Variants in MMP26 observed in about 807,000 individuals in gnomAD.
The protein encoded by MMP26 is matrix metalloproteinase-26.
In MMP26, 33 loss-of-function variants were observed where a neutral mutation model predicts 31.0. That is an observed-to-expected ratio of 1.06 (90% CI 0.81 to 1.42). The LOEUF (loss-of-function observed/expected upper bound fraction) is 1.42, where lower values mean the gene tolerates loss of function less well. MMP26 is among the 40% of genes most tolerant of loss of function. The pLI is 0.00. For synonymous variants in MMP26, 122 were observed against 114.9 expected (o/e 1.06, Z -0.40); for missense variants, 347 against 316.1 (o/e 1.10, Z -0.74).
intron 2 of MMP26, among the ~76,000 whole-genome samples, chr11:4,932,125 T>G (rs1193022333): frequency 6.6e-6 from 1 of 152,146 alleles, no homozygotes; most frequent in African/African-American, 2.4e-5. Context: ...CTGGATGGTC[T>G]CCATCAGTGC....
intron 2 of MMP26, among the ~76,000 whole-genome samples, chr11:4,934,207 C>G (rs1218232976): frequency 6.7e-6 from 1 of 148,732 alleles, no homozygotes; most frequent in Non-Finnish European, 1.5e-5. Flanking sequence ...AAAAGTGTTC[C>G]TGTTTCTCCA....
At chr11:4,876,071 T>G (rs1021062185) in intron 2 of MMP26, 2 of 152,140 alleles carry the variant, frequency 1.3e-5, no homozygotes, top group Non-Finnish European at 2.9e-5. Context: ...CAAAACAATT[T>G]AAGATCACAA....
At chr11:4,790,904 C>T (rs533316503) in intron 2 of MMP26, among the ~76,000 whole-genome samples, 3 of 152,326 alleles carry the variant, frequency 2.0e-5, no homozygotes, top group East Asian at 1.9e-4. Context: ...TAATGTATCT[C>T]ATAAGTGGTA....
At chr11:4,852,802 A>T (rs1230767738) in intron 2 of MMP26, among the ~76,000 whole-genome samples, 2 of 152,186 alleles carry the variant, frequency 1.3e-5, no homozygotes, top group Non-Finnish European at 2.9e-5. Flanking sequence ...AATAGCCAAG[A>T]TATGGAAACA....
At chr11:4,790,283 C>T (rs569332890) in intron 2 of MMP26, among the ~76,000 whole-genome samples, 15 of 152,176 alleles carry the variant, frequency 9.9e-5, no homozygotes, top group Non-Finnish European at 1.5e-4. Flanking sequence ...GCGGAGGCTG[C>T]GGTGAGCCAA....
intron 2 of MMP26, among the ~76,000 whole-genome samples, chr11:4,856,040 C>T (rs1850046963): frequency 6.6e-6 from 1 of 152,140 alleles, no homozygotes; most frequent in Non-Finnish European, 1.5e-5. Context: ...TTTGTCACCA[C>T]CAGGCCTGCC....
intron 2 of MMP26, among the ~76,000 whole-genome samples, chr11:4,789,530 C>CCTTTTTTTT (rs1848993184): frequency 1.1e-4 from 7 of 65,944 alleles, no homozygotes; most frequent in Admixed American, 2.8e-4. Context: ...TATCCCCCCA[C>CCTTTTTTTT]TTTTTTTTTT....
At chr11:4,906,965 G>T (rs1170968889) in intron 2 of MMP26, among the ~76,000 whole-genome samples, 1 of 151,502 alleles carries the variant, frequency 6.6e-6, no homozygotes, top group Non-Finnish European at 1.5e-5. Flanking sequence ...TGGTGGTGGT[G>T]CACACCTGTA....
At chr11:4,883,738 T>C (rs1589929000) in intron 2 of MMP26, among the ~76,000 whole-genome samples, 1 of 152,186 alleles carries the variant, frequency 6.6e-6, no homozygotes, top group Non-Finnish European at 1.5e-5. Flanking sequence ...AATTGCACAG[T>C]AGCTTTGATG....
chr11:4,901,119 C>T (rs533784431), intron 2 of MMP26, among the ~76,000 whole-genome samples: 2 of 145,108 alleles, frequency 1.4e-5, no homozygotes, highest in South Asian at 2.3e-4. Context: ...AGTGCACTAA[C>T]ATCAGTGGAC....
chr11:4,857,770 A>C (rs528573821), intron 2 of MMP26, among the ~76,000 whole-genome samples: 111 of 152,248 alleles, frequency 7.3e-4, no homozygotes, highest in African/African-American at 2.4e-3. Flanking sequence ...GAGACACAAC[A>C]AAAAAACAGA....
intron 1 of MMP26, among the ~76,000 whole-genome samples, chr11:4,763,000 T>C (rs886720134): frequency 6.6e-6 from 1 of 152,174 alleles, no homozygotes; most frequent in African/African-American, 2.4e-5. Flanking sequence ...GTGAAATGTA[T>C]TTACAATTTG....
intron 2 of MMP26, among the ~76,000 whole-genome samples, chr11:4,813,950 A>C (rs973258448): frequency 6.6e-6 from 1 of 152,212 alleles, no homozygotes; most frequent in Non-Finnish European, 1.5e-5. Flanking sequence ...AAACCAACTC[A>C]TGAAAAATAC....
rs541492963 is a variant in MMP26 at position 4,845,748 on chromosome 11, G to A, written c.-145+78407G>A. Among the ~76,000 whole-genome samples, 5 of 152,106 alleles carry A rather than the reference G, an allele frequency of 3.3e-5. No individual in the cohort carries two copies. In the South Asian group the frequency reaches 8.3e-4, roughly 25 times the overall value. The stretch of plus-strand genomic sequence containing the variant: ...ATAAGGAGCTCTACAACTCCACATG[G>A]AAAAAAACCAATAATCTAATCAATA... On this transcript the variant is annotated intron_variant, in intron 2 of 7. Coordinates refer to ENST00000380390, the MANE Select transcript of MMP26 (RefSeq NM_021801.5).
At chr11:4,975,495 T>A (rs1399267854) in intron 2 of MMP26, among the ~76,000 whole-genome samples, 1 of 152,054 alleles carries the variant, frequency 6.6e-6, no homozygotes, top group Non-Finnish European at 1.5e-5. Context: ...CTTGTAAGAT[T>A]GTTATTTGCT....
At chr11:4,831,225 A>G (rs1031026539) in intron 2 of MMP26, among the ~76,000 whole-genome samples, 3 of 152,248 alleles carry the variant, frequency 2.0e-5, no homozygotes, top group South Asian at 2.1e-4. Flanking sequence ...AGGACAAATG[A>G]TCACACGTGG....
chr11:4,917,593 A>T (rs1851117203), intron 2 of MMP26, among the ~76,000 whole-genome samples: 2 of 152,196 alleles, frequency 1.3e-5, no homozygotes, highest in Admixed American at 1.3e-4. Flanking sequence ...CCTGAAGATC[A>T]TATAGGCTCT....
At chr11:4,943,358 C>A in intron 2 of MMP26, 1 of 359,322 alleles carries the variant, frequency 2.8e-6, no homozygotes, top group Non-Finnish European at 5.5e-6. Flanking sequence ...CAGTTTTTCA[C>A]TGGTTTCCTT....
At chr11:4,840,252 A>T (rs1454898758) in intron 2 of MMP26, among the ~76,000 whole-genome samples, 1 of 152,160 alleles carries the variant, frequency 6.6e-6, no homozygotes, top group African/African-American at 2.4e-5. Context: ...AGGGGATCTC[A>T]CCTTCCTGAA....
Sources: gnomAD v4.1 joint callset for allele counts (sites outside exome capture counted in the v4.1 genomes callset) on GRCh38, gnomAD v4.1.1 for gene constraint, MANE v1.5 for transcripts, NCBI Gene and HGNC (gene_info 2026-07-23, HGNC 2026-07-21) for gene names.